Variants in NBPF8 observed in about 807,000 individuals in gnomAD.
The protein encoded by NBPF8 is NBPF family member NBPF8.
At chr1:120,459,755 A>T (rs1321638378) in intron 17 of NBPF8, among the ~76,000 whole-genome samples, 1 of 152,246 alleles carries the variant, frequency 6.6e-6, no homozygotes, top group Non-Finnish European at 1.5e-5. Flanking sequence ...TGCCCGTGCC[A>T]ACCTGGACTG....
chr1:120,468,777 G>A (rs1242149832), downstream of NBPF8, among the ~76,000 whole-genome samples: 7 of 151,218 alleles, frequency 4.6e-5, no homozygotes, highest in Admixed American at 6.6e-5. Context: ...CTCCACACTC[G>A]CTTTCTGAGG....
At chr1:120,435,519 A>G (rs1189436622), upstream of NBPF8, among the ~76,000 whole-genome samples, 1 of 128,514 alleles carries the variant, frequency 7.8e-6, no homozygotes, top group African/African-American at 3.3e-5. Context: ...AACACAATCA[A>G]ACAAATTAGT....
In NBPF8 at chr1:120,425,601, G is replaced by A. The variant is rs1368232330; in HGVS notation, n.270-146G>A. ...AGCATGGGTCCTCCGTATGCTGAAC[G>A]CCGGTCCCCTGGGCCCATTTTTCTT... is the stretch of plus-strand genomic sequence containing the variant. On this transcript the variant is annotated intron_variant and non_coding_transcript_variant, in intron 1 of 28. Coordinates refer to the NBPF8 transcript ENST00000652355. 1.2e-4 allele frequency among the ~76,000 whole-genome samples: 19 copies of A among 152,206 alleles called. No individual in the cohort carries two copies. In the South Asian group the frequency reaches 3.5e-3, roughly 28 times the overall value.
At chr1:120,468,259 T>G (rs1661802218), downstream of NBPF8, among the ~76,000 whole-genome samples, 2 of 151,600 alleles carry the variant, frequency 1.3e-5, no homozygotes, top group South Asian at 4.2e-4. Flanking sequence ...ACCTTGGTTT[T>G]TGGTTTAGAT....
chr1:120,468,538 T>G (rs1195670359), downstream of NBPF8, among the ~76,000 whole-genome samples: 6 of 150,748 alleles, frequency 4.0e-5, no homozygotes, highest in African/African-American at 7.4e-5. Context: ...ATTGTGGGAT[T>G]CGATTTTGTT....
chr1:120,416,806 A>G (rs1446791286), upstream of NBPF8, among the ~76,000 whole-genome samples: 1 of 151,692 alleles, frequency 6.6e-6, no homozygotes, highest in African/African-American at 2.4e-5. Flanking sequence ...TTTAGCAGGG[A>G]TATTCTGGTT....
rs1661158693 is a variant in NBPF8 at position 120,446,254 on chromosome 1, T to C, written n.1476+211T>C. The stretch of plus-strand genomic sequence containing the variant: ...ATTGCAAGTGTCCCTCCTTCCTTGA[T>C]GGAAGGTGGTCTTTGGAGCAAGAGG... On this transcript the variant is annotated intron_variant and non_coding_transcript_variant, in intron 8 of 24. Coordinates refer to ENST00000583271, the Ensembl canonical transcript of NBPF8. Among the ~76,000 whole-genome samples, 3 of 113,468 alleles carry C rather than the reference T, an allele frequency of 2.6e-5. No homozygotes were observed. In the Middle Eastern group the frequency reaches 0.015, roughly 573 times the overall value. The allele number at this position is 113,468 out of a possible 152,430, so 74.4% of individuals were successfully genotyped here.
At chr1:120,460,386 C>T (rs1433390818) in intron 17 of NBPF8, among the ~76,000 whole-genome samples, 187 bp from the exon 16 acceptor site, 1 of 152,186 alleles carries the variant, frequency 6.6e-6, no homozygotes, top group Non-Finnish European at 1.5e-5. Context: ...TTGCCCAAGG[C>T]TCATGAAAGA....
chr1:120,420,287 C>T (rs1224935036), intron 1 of NBPF8, among the ~76,000 whole-genome samples, 169 bp downstream of exon 2: 8 of 151,854 alleles, frequency 5.3e-5, no homozygotes, highest in Admixed American at 3.3e-4. Flanking sequence ...ATATTCACAG[C>T]GTGTGCCACC....
rs1369681961 is a variant in NBPF8, at chr1:120,449,984, T to A, written n.1971+582T>A. On this transcript the variant is annotated intron_variant and non_coding_transcript_variant, in intron 11 of 24. Transcript: ENST00000583271. ...TGGCTCACTCCTGTAATCCCAGCACTTTGGGAGGCTGAGGCGGGCAGATCA... is the reference window on the plus strand; with the variant it reads ...TGGCTCACTCCTGTAATCCCAGCACATTGGGAGGCTGAGGCGGGCAGATCA... 3.5e-3 allele frequency among the ~76,000 whole-genome samples: 536 copies of A among 152,128 alleles called. 6 individuals carry two copies. The highest frequency in any genetic ancestry group is 0.013 in the African/African-American group (521 of 41,484).
chr1:120,415,296 CG>C (rs1197980319), upstream of NBPF8, among the ~76,000 whole-genome samples: 1 of 142,606 alleles, frequency 7.0e-6, no homozygotes, highest in Non-Finnish European at 1.5e-5. Flanking sequence ...CGCGCCAGGC[CG>C]GGGGGCGGTG....
chr1:120,464,677 T>C (rs1482490656), intron 23 of NBPF8, 129 bp downstream of exon 21: 89,337 of 597,936 alleles, frequency 0.15, 11,410 homozygotes, highest in East Asian at 0.59. Flanking sequence ...TAGGCACATG[T>C]AGGTTGAATG....
At chr1:120,460,977 C>G (rs1446333474) in intron 18 of NBPF8, among the ~76,000 whole-genome samples, 1 of 150,896 alleles carries the variant, frequency 6.6e-6, no homozygotes, top group Non-Finnish European at 1.5e-5. Flanking sequence ...CTTTGACTCC[C>G]TCATCAGTGT....
rs1661616728 is a variant in NBPF8, at chr1:120,462,390, A to T, written n.3061+193A>T. 4.7e-5 allele frequency among the ~76,000 whole-genome samples: 7 copies of T among 148,732 alleles called. No individual in the cohort carries two copies. In the South Asian group the frequency reaches 1.5e-3, roughly 32 times the overall value. ...TCCTCCCCTTATCATTTACTAACTT[A>T]CTATAGGTTGACCATACCTCAAAGG... On this transcript the variant is annotated intron_variant and non_coding_transcript_variant, in intron 20 of 24. Transcript: ENST00000583271.
intron 1 of NBPF8, among the ~76,000 whole-genome samples, chr1:120,424,532 C>T (rs1660657394): frequency 6.6e-6 from 1 of 152,170 alleles, no homozygotes; most frequent in African/African-American, 2.4e-5. Flanking sequence ...ACTGCAACCT[C>T]CACCTCCTGA....
Position 120,452,103 on chromosome 1 carries a change from C to G in NBPF8, n.2075-14C>G. On this transcript the variant is annotated splice_polypyrimidine_tract_variant and intron_variant and non_coding_transcript_variant, in intron 12 of 24. Transcript: ENST00000583271. Reference sequence around the variant, plus strand: ...CCTTTCCACTCTTAAATTTTCTCTACCGTCTCACCTTAGGCAATATAAAGT... The same window carrying G: ...CCTTTCCACTCTTAAATTTTCTCTAGCGTCTCACCTTAGGCAATATAAAGT... The G allele has an allele frequency of 2.0e-6, 3 of 1,512,168 alleles. No individual in the cohort carries two copies. Among genetic ancestry groups the G allele is most frequent in the Non-Finnish European group, 2.7e-6 (3 of 1,091,422 alleles). The allele number at this position is 1,512,168 out of a possible 1,614,324, so 93.7% of individuals were successfully genotyped here.
chr1:120,431,421 T>C (rs1553247048), upstream of NBPF8, among the ~76,000 whole-genome samples: 31 of 94,570 alleles, frequency 3.3e-4, no homozygotes, highest in Middle Eastern at 5.6e-3. Flanking sequence ...CACACACACA[T>C]ATATATATAT....
intron 1 of NBPF8, among the ~76,000 whole-genome samples, chr1:120,420,449 T>G (rs1294083137): frequency 1.4e-5 from 2 of 144,900 alleles, no homozygotes; most frequent in African/African-American, 2.6e-5. Context: ...TTCCGTCTCT[T>G]GTTTCCACCC....
chr1:120,432,889 C>T (rs1286466516), upstream of NBPF8: 10 of 150,994 alleles, frequency 6.6e-5, no homozygotes, highest in South Asian at 4.2e-4. Context: ...TCTGTTGTAC[C>T]GAAATTATGC....
Sources: gnomAD v4.1 joint callset for allele counts (sites outside exome capture counted in the v4.1 genomes callset) on GRCh38, gnomAD v4.1.1 for gene constraint, MANE v1.5 for transcripts, NCBI Gene and HGNC (gene_info 2026-07-23, HGNC 2026-07-21) for gene names.